TULP4: variants seen among roughly 807,000 people sequenced by gnomAD.
TULP4 encodes tubby-related protein 4.
TULP4 carries 16 observed loss-of-function variants against 129.0 expected under a neutral mutation model. That is an observed-to-expected ratio of 0.12 (90% CI 0.08 to 0.19). The LOEUF is 0.19. Among genes scored for constraint, TULP4 ranks in the 10% least tolerant of loss-of-function variants. The pLI, the probability that TULP4 is intolerant of heterozygous loss-of-function variation, is 1.00. For synonymous variants in TULP4, 998 were observed against 854.0 expected (o/e 1.17, Z -2.94); for missense variants, 1,842 against 2,059.1 (o/e 0.89, Z 2.04).
chr6:158,354,845 G>A (rs550632312), intron 1 of TULP4, among the ~76,000 whole-genome samples: 5 of 136,984 alleles, frequency 3.7e-5, no homozygotes, highest in South Asian at 4.8e-4. Context: ...CTATAACTGC[G>A]CCACTGTACT....
intron 1 of TULP4, among the ~76,000 whole-genome samples, chr6:158,240,339 G>A (rs1377349892): frequency 2.1e-4 from 16 of 75,314 alleles, no homozygotes; most frequent in South Asian, 4.4e-4. Flanking sequence ...CTGGCCGGGC[G>A]GGGGGCTGAC....
At chr6:158,244,086 G>T (rs1777979257) in intron 1 of TULP4, among the ~76,000 whole-genome samples, 1 of 152,120 alleles carries the variant, frequency 6.6e-6, no homozygotes, top group Non-Finnish European at 1.5e-5. Context: ...AGCATACGTG[G>T]TGTGTTTCAG....
intron 1 of TULP4, among the ~76,000 whole-genome samples, chr6:158,369,714 C>T (rs1777030870): frequency 6.6e-6 from 1 of 152,098 alleles, no homozygotes; most frequent in African/African-American, 2.4e-5. Context: ...AAAATCTATA[C>T]GTGTTTGCTT....
chr6:158,388,720 A>G (rs1273081432), intron 1 of TULP4, among the ~76,000 whole-genome samples: 2 of 152,188 alleles, frequency 1.3e-5, no homozygotes, highest in Non-Finnish European at 2.9e-5. Context: ...TTGTTTAACA[A>G]ATCACTTGAA....
At chr6:158,305,572 G>A (rs1224218682) in intron 1 of TULP4, among the ~76,000 whole-genome samples, 1 of 151,828 alleles carries the variant, frequency 6.6e-6, no homozygotes, top group African/African-American at 2.4e-5. Flanking sequence ...TAGCCTGGTG[G>A]TACGCACCTG....
At chr6:158,304,254 A>G (rs1469728502) in intron 1 of TULP4, among the ~76,000 whole-genome samples, 1 of 152,188 alleles carries the variant, frequency 6.6e-6, no homozygotes, top group Non-Finnish European at 1.5e-5. Flanking sequence ...TATGGAAGCT[A>G]GAGTGGGAAG....
chr6:158,271,077 G>A (rs1778537296), intron 1 of TULP4, among the ~76,000 whole-genome samples: 1 of 151,546 alleles, frequency 6.6e-6, no homozygotes, highest in Admixed American at 6.6e-5. Context: ...TTGAACCCAG[G>A]AGGTGGAGGT....
intron 3 of TULP4, among the ~76,000 whole-genome samples, chr6:158,434,070 A>G (rs901310339): frequency 6.6e-6 from 1 of 152,082 alleles, no homozygotes; most frequent in Non-Finnish European, 1.5e-5. Flanking sequence ...TTCTCTGTGC[A>G]CCCACATTTC....
intron 6 of TULP4, among the ~76,000 whole-genome samples, chr6:158,468,068 G>T (rs1288786733): frequency 6.6e-6 from 1 of 152,212 alleles, no homozygotes; most frequent in Non-Finnish European, 1.5e-5. Context: ...GTCCAGCTGT[G>T]TGGGAGCCGC....
At chr6:158,335,982 G>A (rs1361163537) in intron 1 of TULP4, among the ~76,000 whole-genome samples, 1 of 152,168 alleles carries the variant, frequency 6.6e-6, no homozygotes, top group African/African-American at 2.4e-5. Flanking sequence ...ATTGTAATGT[G>A]AAGACATATA....
At chr6:158,338,276 C>T (rs1780091694) in intron 1 of TULP4, among the ~76,000 whole-genome samples, 1 of 152,136 alleles carries the variant, frequency 6.6e-6, no homozygotes, top group Non-Finnish European at 1.5e-5. Flanking sequence ...TATAGTCAGT[C>T]TTCCAAAGTG....
chr6:158,309,071 G>A (rs1356021180), upstream of TULP4, among the ~76,000 whole-genome samples: 2 of 122,196 alleles, frequency 1.6e-5, no homozygotes, highest in Admixed American at 7.9e-5. Context: ...GCTGCCGGGC[G>A]GAGACGCTCC....
At chr6:158,352,379 A>G (rs1400129944) in intron 1 of TULP4, among the ~76,000 whole-genome samples, 2 of 152,152 alleles carry the variant, frequency 1.3e-5, no homozygotes, top group Non-Finnish European at 2.9e-5. Context: ...AATATTATCC[A>G]TTTGTCATGA....
At chr6:158,406,020 T>A (rs1471124964) in intron 1 of TULP4, among the ~76,000 whole-genome samples, 1 of 152,178 alleles carries the variant, frequency 6.6e-6, no homozygotes, top group Non-Finnish European at 1.5e-5. Flanking sequence ...CTCTGAGTGT[T>A]CCACCAGGTG....
rs570278195 is a variant in TULP4 at position 158,343,777 on chromosome 6, TAAAATACTTTTA to T, written c.252+29514_252+29525del. ...AAAGACTAATGGCTCCTCACTGATT[TAAAATACTTTTA>T]AAAAATCTATTGGGACAAATAGTTT... On this transcript the variant is annotated intron_variant, in intron 1 of 13. Coordinates refer to ENST00000367097, the MANE Select transcript of TULP4 (RefSeq NM_020245.5). 2.0e-5 allele frequency among the ~76,000 whole-genome samples: 3 copies of T among 152,346 alleles called. No individual in the cohort carries two copies. The East Asian group carries it at 5.8e-4, about 29-fold the overall frequency.
At chr6:158,251,267 C>T (rs1172647187) in intron 1 of TULP4, among the ~76,000 whole-genome samples, 1 of 152,288 alleles carries the variant, frequency 6.6e-6, no homozygotes, top group East Asian at 1.9e-4. Flanking sequence ...AGCTGGGATG[C>T]ATACCTTCAG....
chr6:158,242,052 C>A, intron 1 of TULP4: 1 of 794,562 alleles, frequency 1.3e-6, no homozygotes, highest in East Asian at 2.4e-5. Context: ...ACCCTACATC[C>A]GTTGGTTTTA....
intron 1 of TULP4, among the ~76,000 whole-genome samples, chr6:158,292,522 T>G (rs940387058): frequency 5.3e-5 from 8 of 152,236 alleles, no homozygotes; most frequent in African/African-American, 1.9e-4. Flanking sequence ...TCTAGTAGTG[T>G]GCAGAGGCCC....
intron 6 of TULP4, among the ~76,000 whole-genome samples, chr6:158,464,087 A>G (rs905859142): frequency 6.6e-6 from 1 of 152,240 alleles, no homozygotes; most frequent in African/African-American, 2.4e-5. Context: ...ATATGTTGAC[A>G]AACCAAATTC....
Sources: allele counts gnomAD v4.1 joint callset (sites outside exome capture counted in the v4.1 genomes callset), GRCh38; gene constraint gnomAD v4.1.1; transcripts MANE v1.5; gene names NCBI Gene and HGNC (gene_info 2026-07-23, HGNC 2026-07-21).